The following SND1 variants were observed in gnomAD, a reference collection of about 807,000 sequenced individuals.
SND1 encodes the protein staphylococcal nuclease domain-containing protein 1.
SND1 carries 38 observed loss-of-function variants against 121.7 expected under a neutral mutation model. That is an observed-to-expected ratio of 0.31 (90% CI 0.24 to 0.41). The LOEUF is 0.41. SND1 is among the 10% of genes least tolerant of loss of function. SND1 has a pLI of 1.00. For synonymous variants in SND1, 401 were observed against 447.4 expected, an observed-to-expected ratio of 0.90 and a Z score of 1.31; for missense variants, 868 against 1,184.6, an observed-to-expected ratio of 0.73 and a Z score of 3.92.
Position 127,703,288 on chromosome 7 carries a change from C to T in SND1, c.805C>T (p.His269Tyr). The change falls in exon 7 of 24, where the codon CAC (histidine) becomes TAC (tyrosine). Residue 269 changes from histidine (H) to tyrosine (Y), a missense_variant. His to Tyr is a moderately conservative substitution (Grantham distance 83). Coordinates refer to ENST00000354725, the MANE Select transcript of SND1 (RefSeq NM_014390.4). ...RDVQIILESC[H>Y]NQNILGTILH... ...TGTTCAGATCATTCTGGAGAGCTGC[C>T]ACAACCAGAACATTCTGGGTACCAT... 3 of 1,614,154 alleles carry T rather than the reference C, an allele frequency of 1.9e-6. No homozygotes were observed. Among genetic ancestry groups the T allele is most frequent in the Non-Finnish European group, 2.5e-6 (3 of 1,179,986 alleles).
chr7:127,739,564 C>T (rs1467216594), intron 10 of SND1, among the ~76,000 whole-genome samples: 1 of 152,146 alleles, frequency 6.6e-6, no homozygotes, highest in Non-Finnish European at 1.5e-5. Flanking sequence ...GTTCTGTCCC[C>T]TGGGTGGGTG....
At chr7:127,929,882 T>C (rs919479899) in intron 15 of SND1, among the ~76,000 whole-genome samples, 1 of 152,232 alleles carries the variant, frequency 6.6e-6, no homozygotes, top group Non-Finnish European at 1.5e-5. Flanking sequence ...GTTGACGTGC[T>C]AAGGCAAAGA....
intron 10 of SND1, among the ~76,000 whole-genome samples, chr7:127,749,897 A>C (rs1371627340): frequency 6.6e-6 from 1 of 152,214 alleles, no homozygotes; most frequent in Admixed American, 6.5e-5. Context: ...AGTTGAGGCC[A>C]GGAATTCTAG....
chr7:128,024,070 G>A (rs1803421056), intron 16 of SND1, among the ~76,000 whole-genome samples: 1 of 151,490 alleles, frequency 6.6e-6, no homozygotes, highest in Admixed American at 6.6e-5. Context: ...ATTGCTGTGT[G>A]TGTGTGTGTG....
At chr7:127,752,325 G>C (rs907093985) in intron 10 of SND1, among the ~76,000 whole-genome samples, 2 of 152,140 alleles carry the variant, frequency 1.3e-5, no homozygotes, top group Non-Finnish European at 2.9e-5. Context: ...TTGTTTTGCA[G>C]CCGTCGTAAT....
intron 15 of SND1, among the ~76,000 whole-genome samples, chr7:127,979,450 T>A (rs1802206877): frequency 6.6e-6 from 1 of 152,152 alleles, no homozygotes; most frequent in Non-Finnish European, 1.5e-5. Flanking sequence ...TCTGATTGGC[T>A]CTTTTAAAGA....
intron 16 of SND1, chr7:128,027,810 C>G (rs567096978): frequency 6.6e-6 from 1 of 152,336 alleles, no homozygotes; most frequent in East Asian, 1.9e-4. Context: ...CCTTCCCACC[C>G]CCCTGCTGCC....
At chr7:127,809,645 C>T (rs146472008) in intron 11 of SND1, among the ~76,000 whole-genome samples, 15 of 152,262 alleles carry the variant, frequency 9.9e-5, no homozygotes, top group Admixed American at 3.9e-4. Context: ...CCTGTGTGCA[C>T]GAAAGCTGAT....
intron 16 of SND1, among the ~76,000 whole-genome samples, chr7:128,069,037 T>C (rs1233682723): frequency 6.6e-6 from 1 of 152,212 alleles, no homozygotes; most frequent in Non-Finnish European, 1.5e-5. Context: ...CCCACCGCTT[T>C]GGCCCTGTGA....
At chr7:128,066,082 T>C (rs1450273386) in intron 16 of SND1, among the ~76,000 whole-genome samples, 1 of 152,222 alleles carries the variant, frequency 6.6e-6, no homozygotes, top group Admixed American at 6.5e-5. Context: ...CGCAAAGGCC[T>C]GGAGTCAGCA....
At chr7:127,910,719 C>T (rs1334174453) in intron 14 of SND1, among the ~76,000 whole-genome samples, 1 of 152,066 alleles carries the variant, frequency 6.6e-6, no homozygotes, top group Non-Finnish European at 1.5e-5. Flanking sequence ...TTTAAATAGC[C>T]CTTCCCTTTT....
intron 10 of SND1, among the ~76,000 whole-genome samples, chr7:127,776,011 C>T (rs945128430): frequency 1.3e-5 from 2 of 152,164 alleles, no homozygotes; most frequent in Admixed American, 1.3e-4. Flanking sequence ...CCACCAACGT[C>T]CATGTTAAAG....
intron 10 of SND1, among the ~76,000 whole-genome samples, chr7:127,745,763 A>G (rs10487496): frequency 0.056 from 8,496 of 152,296 alleles, 377 homozygotes; most frequent in Middle Eastern, 0.18. Flanking sequence ...TGGCTTGATC[A>G]TAGACTTAGT....
rs1278438398 is a variant in SND1 at position 127,821,653 on chromosome 7, A to T, written c.1242+14080A>T. 2.6e-5 allele frequency among the ~76,000 whole-genome samples: 4 copies of T among 151,898 alleles called. No homozygotes were observed. The East Asian group carries it at 5.8e-4, about 22-fold the overall frequency. ...GCCAGGAAGATATAATTTTTAAAAA[A>T]TTTTTGTTTTATGTAACATAACTTG... is the stretch of plus-strand genomic sequence containing the variant. On this transcript the variant is annotated intron_variant, in intron 11 of 23. Coordinates refer to ENST00000354725, the MANE Select transcript of SND1 (RefSeq NM_014390.4).
At chr7:128,077,665 G>A (rs899962618) in intron 17 of SND1, among the ~76,000 whole-genome samples, 1 of 152,232 alleles carries the variant, frequency 6.6e-6, no homozygotes, top group African/African-American at 2.4e-5. Flanking sequence ...GCATCAGTCA[G>A]CTGGGACAGC....
intron 1 of SND1, among the ~76,000 whole-genome samples, chr7:127,665,694 G>A (rs2116248015): frequency 6.6e-6 from 1 of 152,170 alleles, no homozygotes; most frequent in East Asian, 1.9e-4. Flanking sequence ...GCGATTTAGA[G>A]GTATTTGTTT....
At chr7:127,927,856 A>T (rs1450210735) in intron 14 of SND1, among the ~76,000 whole-genome samples, 1 of 152,214 alleles carries the variant, frequency 6.6e-6, no homozygotes, top group Non-Finnish European at 1.5e-5. Context: ...TTAGAAGAAG[A>T]GTCAAAAAGG....
intron 21 of SND1, among the ~76,000 whole-genome samples, chr7:128,088,446 CT>C (rs1047161140): frequency 0.2 from 15,754 of 80,334 alleles, 951 homozygotes; most frequent in African/African-American, 0.25. Flanking sequence ...CCCTATCTCT[CT>C]TTTTTTTTTT....
chr7:128,035,748 C>G (rs1792738688), intron 16 of SND1, among the ~76,000 whole-genome samples: 1 of 152,208 alleles, frequency 6.6e-6, no homozygotes, highest in Non-Finnish European at 1.5e-5. Flanking sequence ...TAGCACCAGT[C>G]TGCACTTCCT....
Sources: allele counts gnomAD v4.1 joint callset (sites outside exome capture counted in the v4.1 genomes callset), GRCh38; gene constraint gnomAD v4.1.1; transcripts MANE v1.5; gene names NCBI Gene and HGNC (gene_info 2026-07-23, HGNC 2026-07-21).